The following BCAS3 variants were observed in gnomAD, a reference collection of about 807,000 sequenced individuals.
BCAS3 encodes the protein BCAS3 microtubule associated cell migration factor.
Under a neutral mutation model 116.1 loss-of-function variants are expected in BCAS3, and 53 were observed. The observed-to-expected ratio is 0.46, with a 90% confidence interval of 0.37 to 0.57. The LOEUF (loss-of-function observed/expected upper bound fraction) is 0.57. Ranked by LOEUF, BCAS3 falls within the 20% of genes least tolerant of loss-of-function variation. BCAS3 has a pLI of 0.00. For synonymous variants in BCAS3, 391 were observed against 408.2 expected, an observed-to-expected ratio of 0.96 and a Z score of 0.51; for missense variants, 917 against 1,165.4, an observed-to-expected ratio of 0.79 and a Z score of 3.10.
intron 14 of BCAS3, among the ~76,000 whole-genome samples, chr17:60,972,469 GAC>G (rs943341118): frequency 1.7e-5 from 2 of 117,768 alleles, no homozygotes; most frequent in African/African-American, 7.5e-5. Context: ...TTTTTTTTGA[GAC>G]AGGGTCTTGC....
In BCAS3 at chr17:61,181,533, CT is replaced by C. The variant is rs796175019; in HGVS notation, c.2425+96972del. 5.9e-5 allele frequency among the ~76,000 whole-genome samples: 9 copies of C among 152,296 alleles called. No homozygotes were observed. Among genetic ancestry groups the C allele is most frequent in the African/African-American group, 2.2e-4 (9 of 41,572 alleles). The stretch of plus-strand genomic sequence containing the variant: ...GAGCTTGACTATTTTAATCATTTCC[CT>C]TTGATAGTCTGGTCATTTCTTTTGT... On this transcript the variant is annotated intron_variant, in intron 22 of 23. Transcript: ENST00000407086. The surrounding 1 kb of genome is among the most constrained non-coding windows in gnomAD (Gnocchi z 5.0).
chr17:61,007,326 A>G lies in BCAS3; in HGVS notation c.1487-8425A>G, dbSNP rs949365402. 6.6e-6 allele frequency among the ~76,000 whole-genome samples: 1 copy of G among 152,032 alleles called. No individual in the cohort carries two copies. The highest frequency in any genetic ancestry group is 1.5e-5 in the Non-Finnish European group (1 of 67,956). ...GTTACCTTTTGGAGTTGTGTCAACT[A>G]TACTTGCTGTACTTAGAATTTTAGC... On this transcript the variant is annotated intron_variant, in intron 15 of 23. Coordinates refer to ENST00000407086, the MANE Select transcript of BCAS3 (RefSeq NM_017679.5). This position sits in a 1 kb window ranked among gnomAD's most constrained non-coding sequence, Gnocchi z 4.3.
At chr17:61,048,654 A>C (rs1357754033) in intron 19 of BCAS3, among the ~76,000 whole-genome samples, 2 of 152,026 alleles carry the variant, frequency 1.3e-5, no homozygotes, top group Non-Finnish European at 2.9e-5. Context: ...CTGAGACCAT[A>C]TGACCCACAA....
rs1157566063 is a variant in BCAS3 at position 61,208,286 on chromosome 17, A to G, written c.2425+123722A>G. Reference sequence around the variant, plus strand: ...TGTGTTTCATTTTGTCTAAAGCGGGACTCTTCTCCTCCCAGGGACCAGAGA... The same window carrying G: ...TGTGTTTCATTTTGTCTAAAGCGGGGCTCTTCTCCTCCCAGGGACCAGAGA... On this transcript the variant is annotated intron_variant, in intron 22 of 23. Transcript: ENST00000407086. This position sits in a 1 kb window ranked among gnomAD's most constrained non-coding sequence, Gnocchi z 4.5. 6.6e-6 allele frequency among the ~76,000 whole-genome samples: 1 copy of G among 151,776 alleles called. No individual in the cohort carries two copies. Among genetic ancestry groups the G allele is most frequent in the African/African-American group, 2.4e-5 (1 of 41,272 alleles).
chr17:61,340,549 G>A (rs940606929), intron 22 of BCAS3, among the ~76,000 whole-genome samples: 3 of 152,184 alleles, frequency 2.0e-5, no homozygotes, highest in Non-Finnish European at 2.9e-5. Flanking sequence ...TTAAAGGTCC[G>A]TCTGGTGTGA....
At chr17:60,755,094 G>A (rs2042879180) in intron 6 of BCAS3, among the ~76,000 whole-genome samples, 1 of 152,188 alleles carries the variant, frequency 6.6e-6, no homozygotes, top group Non-Finnish European at 1.5e-5. Context: ...TCAGAGAACA[G>A]TGTTTCTAGG....
intron 6 of BCAS3, among the ~76,000 whole-genome samples, chr17:60,765,312 T>G (rs905621734): frequency 1.3e-5 from 2 of 152,202 alleles, no homozygotes; most frequent in African/African-American, 2.4e-5. Flanking sequence ...TTGGCATCTT[T>G]TTGCAGTGGC....
At chr17:60,755,527 ACTCT>A (rs1342722296) in intron 6 of BCAS3, among the ~76,000 whole-genome samples, 6 of 152,112 alleles carry the variant, frequency 3.9e-5, no homozygotes, top group African/African-American at 1.4e-4. Context: ...CCCTGAAGAT[ACTCT>A]CTGTTAATCT....
rs2054457199 is a variant in BCAS3 at position 61,313,151 on chromosome 17, T to G, written c.2426-55176T>G. 6.6e-6 allele frequency among the ~76,000 whole-genome samples: 1 copy of G among 152,208 alleles called. No homozygotes were observed. The highest frequency in any genetic ancestry group is 1.5e-5 in the Non-Finnish European group (1 of 68,038). On this transcript the variant is annotated intron_variant, in intron 22 of 23. Transcript: ENST00000407086. This position sits in a 1 kb window ranked among gnomAD's most constrained non-coding sequence, Gnocchi z 4.3. The stretch of plus-strand genomic sequence containing the variant: ...GACTACATAGTGATGACCAAAACAG[T>G]CTTTGGATTCATGGCAATTACTGCC...
At chr17:61,110,489 C>T (rs1036299789) in intron 22 of BCAS3, among the ~76,000 whole-genome samples, 4 of 152,318 alleles carry the variant, frequency 2.6e-5, no homozygotes, top group Middle Eastern at 3.4e-3. Context: ...GACGGACGCA[C>T]CTGGATAATT....
Position 60,918,392 on chromosome 17 carries a change from G to T in BCAS3, c.994-6015G>T, listed in dbSNP as rs116816572. Among the ~76,000 whole-genome samples the T allele has an allele frequency of 8.9e-3, 1,348 of 152,154 alleles. 24 individuals carry two copies. Among genetic ancestry groups the T allele is most frequent in the African/African-American group, 0.03 (1,255 of 41,522 alleles). Reference sequence around the variant, plus strand: ...TAGAACGTCTAATCATCAAATCAGGGTATTTAGGATATATATCACCATGAG... The same window carrying T: ...TAGAACGTCTAATCATCAAATCAGGTTATTTAGGATATATATCACCATGAG... On this transcript the variant is annotated intron_variant, in intron 12 of 23. Transcript: ENST00000407086.
At chr17:61,049,488 G>A (rs1435683438) in intron 19 of BCAS3, among the ~76,000 whole-genome samples, 3 of 151,758 alleles carry the variant, frequency 2.0e-5, no homozygotes, top group African/African-American at 7.3e-5. Context: ...TGGTGGGACA[G>A]AAGAAATAAT....
At chr17:61,234,549 G>T (rs1048190389) in intron 22 of BCAS3, among the ~76,000 whole-genome samples, 8 of 152,192 alleles carry the variant, frequency 5.3e-5, no homozygotes, top group Admixed American at 1.3e-4. Context: ...AGGGAGAGGA[G>T]TTTCCTTCTC....
chr17:60,970,051 G>A (rs537475358), intron 14 of BCAS3, among the ~76,000 whole-genome samples: 53 of 152,184 alleles, frequency 3.5e-4, no homozygotes, highest in African/African-American at 1.3e-3. Flanking sequence ...TGAAGAATAT[G>A]GTCATTTCTT....
In BCAS3 at chr17:61,374,215, G is replaced by C. The variant is rs1462177245; in HGVS notation, c.2593+5721G>C. On this transcript the variant is annotated intron_variant, in intron 23 of 23. Transcript: ENST00000407086. ...TTTTTTTTTTTTTCTCTGTCACCCA[G>C]GCTGGAGTGCAGTGGCACGATCTCG... is the stretch of plus-strand genomic sequence containing the variant. Among the ~76,000 whole-genome samples the C allele has an allele frequency of 4.7e-5, 7 of 150,172 alleles. 1 individual carries two copies. In the South Asian group the frequency reaches 1.1e-3, roughly 23 times the overall value.
intron 14 of BCAS3, among the ~76,000 whole-genome samples, chr17:60,988,402 G>T (rs2145426594): frequency 8.4e-6 from 1 of 118,658 alleles, no homozygotes; most frequent in African/African-American, 3.0e-5. Flanking sequence ...TAAAAGCATT[G>T]TGGAATGAGG....
chr17:61,022,615 CT>C (rs1316524877), intron 16 of BCAS3, among the ~76,000 whole-genome samples: 1 of 152,092 alleles, frequency 6.6e-6, no homozygotes, highest in African/African-American at 2.4e-5. Context: ...TTATGTTCAT[CT>C]CTTTTTTTGC....
At chr17:61,254,975 G>C (rs1447099549) in intron 22 of BCAS3, among the ~76,000 whole-genome samples, 1 of 152,008 alleles carries the variant, frequency 6.6e-6, no homozygotes, top group African/African-American at 2.4e-5. Context: ...GACATTGCCT[G>C]GTTACATTGA....
intron 7 of BCAS3, among the ~76,000 whole-genome samples, chr17:60,827,389 C>G (rs7220641): frequency 1.3e-5 from 2 of 151,990 alleles, no homozygotes; most frequent in African/African-American, 4.8e-5. Flanking sequence ...TATGACTGTT[C>G]GAGAAATAGG....
Sources: gnomAD v4.1 joint callset for allele counts (sites outside exome capture counted in the v4.1 genomes callset) on GRCh38, gnomAD v4.1.1 for gene constraint, Gnocchi (gnomAD v3.1) non-coding constraint, MANE v1.5 for transcripts, NCBI Gene and HGNC (gene_info 2026-07-23, HGNC 2026-07-21) for gene names.